LAMC1: variants seen among roughly 807,000 people sequenced by gnomAD.
LAMC1 encodes laminin subunit gamma 1, also known as laminin subunit gamma-1.
In LAMC1, 38 loss-of-function variants were observed where a neutral mutation model predicts 173.6. That is an observed-to-expected ratio of 0.22 (90% CI 0.17 to 0.29). The LOEUF (loss-of-function observed/expected upper bound fraction) is 0.29. Among genes scored for constraint, LAMC1 ranks in the 10% least tolerant of loss-of-function variants. The pLI is 1.00. For synonymous variants in LAMC1, 746 were observed against 749.1 expected, an observed-to-expected ratio of 1.00 and a Z score of 0.07; for missense variants, 1,824 against 2,051.8, an observed-to-expected ratio of 0.89 and a Z score of 2.14.
intron 16 of LAMC1, 81 bp from the exon 17 acceptor site, chr1:183,127,145 G>A (rs1656641876): frequency 1.5e-6 from 2 of 1,346,892 alleles, no homozygotes; most frequent in African/African-American, 2.9e-5. Flanking sequence ...CTTATAGTCA[G>A]CTTATTGTTA....
In LAMC1 at chr1:183,142,673, C is replaced by T; in HGVS notation, c.4713C>T (p.Ala1571=). The T allele has an allele frequency of 6.2e-7, 1 of 1,614,052 alleles. No homozygotes were observed. The highest frequency in any genetic ancestry group is 8.5e-7 in the Non-Finnish European group (1 of 1,179,976). Residue 1571 remains alanine, a synonymous_variant, in exon 28 of 28, where the codon GCC becomes GCT. Transcript: ENST00000258341. ...ATGAAGCCAAGAAGCAGGAGGCTGC[C>T]ATCATGGACTATAACCGAGATATCG... ...LENEAKKQEA[A]IMDYNRDIEE... is the part of the protein sequence containing the mutation.
intron 1 of LAMC1, among the ~76,000 whole-genome samples, chr1:183,040,804 TAAAG>T (rs71830523): frequency 0.047 from 7,211 of 152,114 alleles, 352 homozygotes; most frequent in African/African-American, 0.13. Context: ...GAATATGAGA[TAAAG>T]AAGAATGTAG....
chr1:183,108,256 C>G lies in LAMC1; in HGVS notation c.724-20C>G, dbSNP rs898086389. ...GTCCCTCCACTTCTCTTTTATGTTTCTATTTTTGCTTCCTGACAGGAATGG... is the reference window on the plus strand; with the variant it reads ...GTCCCTCCACTTCTCTTTTATGTTTGTATTTTTGCTTCCTGACAGGAATGG... On this transcript the variant is annotated intron_variant, in intron 2 of 27. Transcript: ENST00000258341. 11 of 1,609,270 alleles carry G rather than the reference C, an allele frequency of 6.8e-6. No individual in the cohort carries two copies. Among genetic ancestry groups the G allele is most frequent in the African/African-American group, 1.3e-5 (1 of 74,794 alleles).
At chr1:183,089,673 C>T (rs139788068) in intron 1 of LAMC1, among the ~76,000 whole-genome samples, 4 of 152,266 alleles carry the variant, frequency 2.6e-5, no homozygotes, top group Non-Finnish European at 5.9e-5. Flanking sequence ...TAATCTATAA[C>T]ACTAAATACA....
At chr1:183,066,573 A>G (rs1013491247) in intron 1 of LAMC1, among the ~76,000 whole-genome samples, 2 of 152,250 alleles carry the variant, frequency 1.3e-5, no homozygotes, top group African/African-American at 2.4e-5. Flanking sequence ...CGTCAGTGAT[A>G]GACTGGATAA....
chr1:183,024,099 A>G lies in LAMC1; in HGVS notation c.383A>G (p.Gln128Arg). ...WQSQTMLAGV[Q>R]YPSSINLTLH... ...AGCCAGACCATGCTGGCCGGGGTGC[A>G]GTACCCCAGCTCCATCAACCTCACG... Residue 128 changes from glutamine (Q) to arginine (R), a missense_variant, in exon 1 of 28, where the codon CAG (glutamine) becomes CGG (arginine). Gln to Arg is a conservative substitution (Grantham distance 43). Transcript: ENST00000258341. 1.2e-6 allele frequency: 2 copies of G among 1,605,658 alleles called. No individual in the cohort carries two copies. Among genetic ancestry groups the G allele is most frequent in the Non-Finnish European group, 1.7e-6 (2 of 1,176,630 alleles).
chr1:183,103,466 A>C lies in LAMC1; in HGVS notation c.557A>C (p.Tyr186Ser). The change falls in exon 2 of 28, where the codon TAC (tyrosine) becomes TCC (serine). Residue 186 changes from tyrosine to serine, a missense_variant. By Grantham distance (144) the Tyr-to-Ser change is moderately radical (BLOSUM62 -2). Coordinates refer to ENST00000258341, the MANE Select transcript of LAMC1 (RefSeq NM_002293.4). ...TACAGTGGTTCCTGTGAGAACACCT[A>C]CTCCAAGGCAAACCGCGGCTTCATC... ...QYYSGSCENTYSKANRGFIRT... is the reference protein window; with the variant it reads ...QYYSGSCENTSSKANRGFIRT... 6.2e-7 allele frequency: 1 copy of C among 1,614,078 alleles called. No homozygotes were observed. Among genetic ancestry groups the C allele is most frequent in the Non-Finnish European group, 8.5e-7 (1 of 1,180,000 alleles).
chr1:183,074,240 A>G (rs1558039649), intron 1 of LAMC1, among the ~76,000 whole-genome samples: 1 of 152,186 alleles, frequency 6.6e-6, no homozygotes, highest in Non-Finnish European at 1.5e-5. Flanking sequence ...ATTTTTATAC[A>G]AAAAAACAGT....
chr1:183,030,318 T>C (rs1653816840), intron 1 of LAMC1, among the ~76,000 whole-genome samples: 2 of 152,224 alleles, frequency 1.3e-5, no homozygotes, highest in Admixed American at 1.3e-4. Context: ...TTTCATGTTA[T>C]ATAGTAAGTC....
At chr1:183,118,648 G>T (rs1398243181) in intron 11 of LAMC1, among the ~76,000 whole-genome samples, 2 of 151,870 alleles carry the variant, frequency 1.3e-5, no homozygotes, top group East Asian at 1.9e-4. Context: ...GCTTAAACCC[G>T]GGAGGCAGTG....
chr1:183,071,670 A>G lies in LAMC1; in HGVS notation c.419-31658A>G, dbSNP rs151009683. On this transcript the variant is annotated intron_variant, in intron 1 of 27. Transcript: ENST00000258341. ...GTTTCAGCTGCACTGCTGTAAATAA[A>G]TATCACTTTCTTAGCCTATTTAATG... Among the ~76,000 whole-genome samples, 26 of 152,240 alleles carry G rather than the reference A, an allele frequency of 1.7e-4. 2 individuals are homozygous for G. Among genetic ancestry groups the G allele is most frequent in the African/African-American group, 4.8e-4 (20 of 41,554 alleles).
rs556199588 is a variant in LAMC1 at position 183,104,524 on chromosome 1, G to A, written c.723+892G>A. Among the ~76,000 whole-genome samples, 24 of 152,306 alleles carry A rather than the reference G, an allele frequency of 1.6e-4. No individual in the cohort carries two copies. In the South Asian group the frequency reaches 4.8e-3, roughly 30 times the overall value. ...AGCCTTTGTCAGTTGACTGAAACAAGAAAGTCTGATAATGGGTTTTCAAAT... is the reference window on the plus strand; with the variant it reads ...AGCCTTTGTCAGTTGACTGAAACAAAAAAGTCTGATAATGGGTTTTCAAAT... On this transcript the variant is annotated intron_variant, in intron 2 of 27. Coordinates refer to ENST00000258341, the MANE Select transcript of LAMC1 (RefSeq NM_002293.4).
At chr1:183,101,273 A>G (rs1288960490) in intron 1 of LAMC1, among the ~76,000 whole-genome samples, 1 of 152,016 alleles carries the variant, frequency 6.6e-6, no homozygotes, top group African/African-American at 2.4e-5. Context: ...AATGTCTTAG[A>G]TAGTGAGTCT....
chr1:183,065,157 CA>C (rs1160855114), intron 1 of LAMC1, among the ~76,000 whole-genome samples: 1 of 151,788 alleles, frequency 6.6e-6, no homozygotes, highest in Non-Finnish European at 1.5e-5. Context: ...CTAAACATGC[CA>C]AAAGATAGGA....
chr1:183,102,856 A>C (rs1353177583), intron 1 of LAMC1, among the ~76,000 whole-genome samples: 2 of 152,198 alleles, frequency 1.3e-5, no homozygotes, highest in Non-Finnish European at 2.9e-5. Flanking sequence ...AGAGCTGATG[A>C]TATTCTTTCT....
Position 183,077,776 on chromosome 1 carries a change from G to GTGTGTGTGTATATA in LAMC1, c.419-25551_419-25550insGTGTGTGTATATAT. 1.9e-4 allele frequency among the ~76,000 whole-genome samples: 22 copies of GTGTGTGTGTATATA among 116,544 alleles called. 1 individual carries two copies. Among genetic ancestry groups the GTGTGTGTGTATATA allele is most frequent in the South Asian group, 6.0e-4 (2 of 3,354 alleles). 76.5% of individuals were successfully genotyped at this position (116,544 alleles called of 152,430 possible). Reference sequence around the variant, plus strand: ...TGAATAGTATTTTTATGGCCATTGTGTATATATATATATATATATACAGTA... The same window carrying GTGTGTGTGTATATA: ...TGAATAGTATTTTTATGGCCATTGTGTGTGTGTGTATATATATATATATATATATATATACAGTA... On this transcript the variant is annotated intron_variant, in intron 1 of 27. Transcript: ENST00000258341.
chr1:183,024,051 A>T lies in LAMC1; in HGVS notation c.335A>T (p.Gln112Leu). 6.2e-7 allele frequency: 1 copy of T among 1,612,520 alleles called. No homozygotes were observed. Among genetic ancestry groups the T allele is most frequent in the East Asian group, 2.2e-5 (1 of 44,820 alleles). The change falls in exon 1 of 28, where the codon CAG becomes CTG. Residue 112 changes from glutamine (Q) to leucine (L), a missense_variant. Coordinates refer to ENST00000258341, the MANE Select transcript of LAMC1 (RefSeq NM_002293.4). The part of the protein sequence containing the change: ...GAAFLTDYNN[Q>L]ADTTWWQSQT... ...GCCTTCCTGACCGACTACAACAACC[A>T]GGCCGACACCACCTGGTGGCAAAGC...
intron 2 of LAMC1, among the ~76,000 whole-genome samples, chr1:183,104,484 C>T (rs1197188803): frequency 6.6e-6 from 1 of 152,204 alleles, no homozygotes; most frequent in Non-Finnish European, 1.5e-5. Flanking sequence ...CTGAAGTCAA[C>T]AACCACATGG....
chr1:183,057,040 A>G (rs914083810), intron 1 of LAMC1, among the ~76,000 whole-genome samples: 1 of 152,252 alleles, frequency 6.6e-6, no homozygotes, highest in East Asian at 1.9e-4. Context: ...GCTTCATAAA[A>G]GAGTCTGCGC....
Sources: allele counts gnomAD v4.1 joint callset (sites outside exome capture counted in the v4.1 genomes callset), GRCh38; gene constraint gnomAD v4.1.1; transcripts MANE v1.5; gene names NCBI Gene and HGNC (gene_info 2026-07-23, HGNC 2026-07-21).